USH2A: variants seen among roughly 807,000 people sequenced by gnomAD.
USH2A encodes usherin.
In USH2A, 443 loss-of-function variants were observed where a neutral mutation model predicts 538.9. The ratio of observed to expected loss-of-function variants is 0.82; its 90% CI spans 0.76 to 0.89. USH2A has a LOEUF of 0.89. Among genes scored for constraint, USH2A ranks in the 40% least tolerant of loss-of-function variants. USH2A has a pLI of 0.00. For missense variants in USH2A, 6,633 were observed against 6,324.8 expected, an observed-to-expected ratio of 1.05 and a Z score of -1.65; for synonymous variants, 2,413 against 2,273.5, an observed-to-expected ratio of 1.06 and a Z score of -1.75.
rs115999137 is a variant in USH2A at position 216,291,785 on chromosome 1, C to T, written c.1840+390G>A. On this transcript the variant is annotated intron_variant, in intron 10 of 71. Transcript: ENST00000307340. The stretch of plus-strand genomic sequence containing the variant: ...CAAATCTGAATGAATGCCATCTCCA[C>T]ATGAGAATCCAGACATAAAGGACAA... Among the ~76,000 whole-genome samples, 985 of 152,254 alleles carry T rather than the reference C, an allele frequency of 6.5e-3. 8 individuals carry two copies. Among genetic ancestry groups the T allele is most frequent in the Non-Finnish European group, 9.5e-3 (644 of 68,010 alleles).
At chr1:215,881,905 C>G (rs1218509789) in intron 41 of USH2A, among the ~76,000 whole-genome samples, 1 of 152,178 alleles carries the variant, frequency 6.6e-6, no homozygotes, top group Non-Finnish European at 1.5e-5. Flanking sequence ...TGACTTTCAG[C>G]AGCTCTTTTA....
intron 32 of USH2A, among the ~76,000 whole-genome samples, chr1:216,031,005 TC>T (rs1669109056): frequency 6.6e-6 from 1 of 151,884 alleles, no homozygotes; most frequent in African/African-American, 2.4e-5. Context: ...TTCTTGTATA[TC>T]CAACACAACT....
At chr1:215,788,951 A>AAAACAAAACAAAACAAAAC (rs1558098604) in intron 51 of USH2A, among the ~76,000 whole-genome samples, 5 of 70,686 alleles carry the variant, frequency 7.1e-5, no homozygotes, top group African/African-American at 2.0e-4. Flanking sequence ...CAAAACAAAA[A>AAAACAAAACAAAACAAAAC]AACAGGGGAA....
At chr1:216,038,288 T>C (rs988558479) in intron 32 of USH2A, among the ~76,000 whole-genome samples, 1 of 152,026 alleles carries the variant, frequency 6.6e-6, no homozygotes, top group Non-Finnish European at 1.5e-5. Flanking sequence ...AGAAATTTGA[T>C]ATTTGTCCTT....
rs121912600 is a variant in USH2A, at chr1:216,324,240, C to A, written c.1256G>T (p.Cys419Phe). The A allele has an allele frequency of 9.5e-5, 153 of 1,613,326 alleles. No individual in the cohort carries two copies. Among genetic ancestry groups the A allele is most frequent in the Non-Finnish European group, 1.2e-4 (147 of 1,179,734 alleles). The change falls in exon 7 of 72, where the codon TGT (cysteine) becomes TTT (phenylalanine). Residue 419 changes from cysteine (C) to phenylalanine (F), a missense_variant. By Grantham distance (205) the Cys-to-Phe change is radical. Coordinates refer to ENST00000307340, the MANE Select transcript of USH2A (RefSeq NM_206933.4). ...WEDWQYFARNCGAFGMKNNGD... is the reference protein window; with the variant it reads ...WEDWQYFARNFGAFGMKNNGD... ...ATTGTTTTTCATTCCAAAAGCACCA[C>A]AATTCCTGGCAAAATATTGCCAGTC...
intron 21 of USH2A, among the ~76,000 whole-genome samples, chr1:216,101,708 T>A (rs758453660): frequency 4.6e-5 from 7 of 152,200 alleles, no homozygotes; most frequent in Non-Finnish European, 5.9e-5. Flanking sequence ...ACTTTGATTT[T>A]CAAAAAATGA....
At chr1:216,307,026 G>A (rs1253047053) in intron 9 of USH2A, among the ~76,000 whole-genome samples, 1 of 151,944 alleles carries the variant, frequency 6.6e-6, no homozygotes, top group African/African-American at 2.4e-5. Context: ...ACAGGAGGTG[G>A]CGCTTTCAAG....
chr1:216,402,891 C>A (rs1434202517), intron 3 of USH2A, among the ~76,000 whole-genome samples: 1 of 152,056 alleles, frequency 6.6e-6, no homozygotes, highest in Non-Finnish European at 1.5e-5. Context: ...AAATTTATTG[C>A]ACTAAACTAA....
chr1:215,997,998 A>G (rs1668177177), intron 34 of USH2A, among the ~76,000 whole-genome samples: 2 of 152,062 alleles, frequency 1.3e-5, no homozygotes, highest in Admixed American at 1.3e-4. Context: ...TTATTTTCTC[A>G]TGGTATAATA....
At chr1:216,416,451 C>CA (rs1039051044) in intron 3 of USH2A, among the ~76,000 whole-genome samples, 2 of 151,690 alleles carry the variant, frequency 1.3e-5, no homozygotes, top group South Asian at 2.1e-4. Context: ...AAAACTTATG[C>CA]AAAAAAATAA....
intron 61 of USH2A, among the ~76,000 whole-genome samples, chr1:215,709,837 C>T: frequency 6.6e-6 from 1 of 152,070 alleles, no homozygotes; most frequent in Non-Finnish European, 1.5e-5. Context: ...TGCACTGGGG[C>T]TATTTTAACC....
chr1:215,650,861 A>C, intron 64 of USH2A, 60 bp from the exon 65 acceptor site: 7 of 1,579,290 alleles, frequency 4.4e-6, no homozygotes, highest in Non-Finnish European at 5.1e-6. Flanking sequence ...GGGAAAAAAA[A>C]AAAAAAAAGA....
intron 40 of USH2A, among the ~76,000 whole-genome samples, chr1:215,896,547 C>T (rs999081170): frequency 3.3e-5 from 5 of 152,034 alleles, no homozygotes; most frequent in Admixed American, 2.6e-4. Context: ...GGCAGGATTT[C>T]GGTAGGCAAA....
At chr1:215,833,560 A>T (rs1461374163) in intron 47 of USH2A, among the ~76,000 whole-genome samples, 2 of 152,034 alleles carry the variant, frequency 1.3e-5, no homozygotes, top group African/African-American at 4.8e-5. Flanking sequence ...CCAATCATAG[A>T]CATAAATTCA....
At chr1:215,673,693 C>T (rs1464154117) in intron 63 of USH2A, among the ~76,000 whole-genome samples, 6 of 152,116 alleles carry the variant, frequency 3.9e-5, no homozygotes, top group African/African-American at 1.2e-4. Context: ...CTGGTAATTG[C>T]GCTCATTGAT....
intron 21 of USH2A, chr1:216,174,090 C>A (rs1429266101): frequency 3.0e-6 from 3 of 985,074 alleles, no homozygotes; most frequent in African/African-American, 3.5e-5. Context: ...AGAATATAAT[C>A]ATGATTCATT....
intron 61 of USH2A, among the ~76,000 whole-genome samples, chr1:215,710,167 T>C (rs1659299391): frequency 6.6e-6 from 1 of 152,212 alleles, no homozygotes; most frequent in South Asian, 2.1e-4. Flanking sequence ...TGCAAGTGCA[T>C]CATTCACTGT....
In USH2A at chr1:215,674,836, C is replaced by T. The variant is rs1402003240; in HGVS notation, c.13075G>A (p.Val4359Ile). ...ITTLEAAPSEVSPPDLWAVSA... is the reference protein window; with the variant it reads ...ITTLEAAPSEISPPDLWAVSA... The stretch of plus-strand genomic sequence containing the variant: ...ACGGCCCAAAGATCTGGAGGGCTGA[C>T]TTCTGATGGAGCAGCCTCCAGAGTT... The change falls in exon 63 of 72, where the codon GTC becomes ATC. Residue 4359 changes from valine to isoleucine, a missense_variant. Physicochemically the swap from Val to Ile is conservative, Grantham distance 29. Transcript: ENST00000307340. 1.2e-6 allele frequency: 2 copies of T among 1,614,004 alleles called. No individual in the cohort carries two copies. The highest frequency in any genetic ancestry group is 1.3e-5 in the African/African-American group (1 of 74,904).
At chr1:216,411,501 A>G (rs184874804) in intron 3 of USH2A, among the ~76,000 whole-genome samples, 41 of 152,280 alleles carry the variant, frequency 2.7e-4, no homozygotes, top group Admixed American at 9.8e-4. Flanking sequence ...AGAAGAGAAG[A>G]CACACACGAT....
Sources: gnomAD v4.1 joint callset for allele counts (sites outside exome capture counted in the v4.1 genomes callset) on GRCh38, gnomAD v4.1.1 for gene constraint, MANE v1.5 for transcripts, NCBI Gene and HGNC (gene_info 2026-07-23, HGNC 2026-07-21) for gene names.